The following CACNG4 variants were observed in gnomAD, a reference collection of about 807,000 sequenced individuals.
CACNG4 encodes voltage-dependent calcium channel gamma-4 subunit.
A neutral mutation model predicts 22.9 loss-of-function variants in CACNG4; 8 were observed. The observed-to-expected ratio is 0.35, with a 90% CI of 0.21 to 0.63. CACNG4 has a LOEUF of 0.63. Ranked by LOEUF, CACNG4 falls within the 30% of genes least tolerant of loss-of-function variation. CACNG4 has a pLI of 0.72. For missense variants in CACNG4, 357 were observed against 455.4 expected (o/e 0.78, Z 1.97); for synonymous variants, 188 against 191.9 (o/e 0.98, Z 0.17).
chr17:67,009,437 T>C (rs2035455753), intron 1 of CACNG4, among the ~76,000 whole-genome samples: 1 of 152,196 alleles, frequency 6.6e-6, no homozygotes, highest in Non-Finnish European at 1.5e-5. Flanking sequence ...ATCATTGCTC[T>C]GGGCTGCATT....
At chr17:66,987,509 G>A (rs2035311901) in intron 1 of CACNG4, among the ~76,000 whole-genome samples, 1 of 152,188 alleles carries the variant, frequency 6.6e-6, no homozygotes, top group Non-Finnish European at 1.5e-5. Flanking sequence ...ATTTAATAGA[G>A]GGAGTTGATC....
Position 66,989,166 on chromosome 17 carries a change from A to G in CACNG4, c.220+24035A>G, listed in dbSNP as rs1037443033. Among the ~76,000 whole-genome samples, 25 of 150,714 alleles carry G rather than the reference A, an allele frequency of 1.7e-4. 1 individual carries two copies. Among genetic ancestry groups the G allele is most frequent in the African/African-American group, 5.9e-4 (24 of 40,408 alleles). ...TCTTTAGCTTCAGGGAGAATTATGG[A>G]TGGAACTGTGTCCCCTAAAAAGATA... On this transcript the variant is annotated intron_variant, in intron 1 of 3. Transcript: ENST00000262138.
At chr17:66,977,894 T>G (rs778383201) in intron 1 of CACNG4, among the ~76,000 whole-genome samples, 7 of 152,078 alleles carry the variant, frequency 4.6e-5, no homozygotes, top group Non-Finnish European at 1.0e-4. Flanking sequence ...GCACCAGCAG[T>G]AGGACAGACA....
intron 1 of CACNG4, among the ~76,000 whole-genome samples, chr17:67,017,866 T>A (rs2035509388): frequency 6.6e-6 from 1 of 151,994 alleles, no homozygotes; most frequent in South Asian, 2.1e-4. Flanking sequence ...GGTAGAGGGA[T>A]CCGACCTCCT....
intron 1 of CACNG4, among the ~76,000 whole-genome samples, chr17:67,013,753 C>T (rs891300070): frequency 5.9e-5 from 9 of 151,460 alleles, no homozygotes; most frequent in South Asian, 2.1e-4. Flanking sequence ...CGCAGTGAGC[C>T]GAGTCCATGC....
chr17:66,982,653 C>T (rs1413657040), intron 1 of CACNG4, among the ~76,000 whole-genome samples: 1 of 152,208 alleles, frequency 6.6e-6, no homozygotes, highest in African/African-American at 2.4e-5. Context: ...AATTCCAGGG[C>T]TCAAGCAATC....
intron 3 of CACNG4, among the ~76,000 whole-genome samples, chr17:67,029,763 G>A (rs1167098187): frequency 1.3e-5 from 2 of 152,220 alleles, no homozygotes; most frequent in African/African-American, 2.4e-5. Context: ...GGGAGAGCTG[G>A]ATGAGGAGTA....
intron 1 of CACNG4, among the ~76,000 whole-genome samples, chr17:66,978,286 G>A (rs1567750184): frequency 6.6e-6 from 1 of 152,126 alleles, no homozygotes; most frequent in Admixed American, 6.5e-5. Context: ...CAGGAGTCGC[G>A]ATAAAGTATC....
chr17:66,988,402 A>G (rs1351457562), intron 1 of CACNG4, among the ~76,000 whole-genome samples: 1 of 152,196 alleles, frequency 6.6e-6, no homozygotes, highest in Non-Finnish European at 1.5e-5. Context: ...AATCTGCGGC[A>G]CCAGCTTTTC....
At position 67,032,262 on chromosome 17, in the gene CACNG4, T is replaced by C; in HGVS notation, c.*1258T>C. The C allele has an allele frequency of 3.1e-6, 1 of 326,716 alleles. No homozygotes were observed. Among genetic ancestry groups the C allele is most frequent in the Non-Finnish European group, 6.0e-6 (1 of 167,788 alleles). 20.2% of individuals were successfully genotyped at this position (326,716 alleles called of 1,614,324 possible). A position where few individuals can be genotyped will look rare whatever the true frequency, so the allele number is the denominator to read the frequency against. On this transcript the variant is annotated 3_prime_UTR_variant, in exon 4 of 4. Transcript: ENST00000262138. Reference sequence around the variant, plus strand: ...GGAAGTGGTTTCTGTGTTTTACAGTTTTTCCAGCCATTCTTTTCTTCCCCC... The same window carrying C: ...GGAAGTGGTTTCTGTGTTTTACAGTCTTTCCAGCCATTCTTTTCTTCCCCC...
chr17:66,990,702 A>T (rs998628267), intron 1 of CACNG4, among the ~76,000 whole-genome samples: 2 of 140,050 alleles, frequency 1.4e-5, no homozygotes, highest in Non-Finnish European at 3.0e-5. Flanking sequence ...TATTTTTGAG[A>T]CGGAGTCTCG....
intron 1 of CACNG4, among the ~76,000 whole-genome samples, chr17:67,003,986 C>T (rs1438812895): frequency 6.6e-6 from 1 of 152,186 alleles, no homozygotes; most frequent in Non-Finnish European, 1.5e-5. Context: ...CCTCTCTTGC[C>T]CAGCCCCTTC....
At position 67,027,947 on chromosome 17, in the gene CACNG4, G is replaced by A. The variant is rs2143376211; in HGVS notation, c.446-2519G>A. 6.6e-6 allele frequency among the ~76,000 whole-genome samples: 1 copy of A among 152,228 alleles called. No individual in the cohort carries two copies. Among genetic ancestry groups the A allele is most frequent in the Non-Finnish European group, 1.5e-5 (1 of 68,028 alleles). On this transcript the variant is annotated intron_variant, in intron 3 of 3. Transcript: ENST00000262138. This position sits in a 1 kb window ranked among gnomAD's most constrained non-coding sequence, Gnocchi z 4.3. Reference sequence around the variant, plus strand: ...AGGCACGAGAATCACCTGAACCTGGGAGGCGGAGGTTGCAATGAGCTGAGA... The same window carrying A: ...AGGCACGAGAATCACCTGAACCTGGAAGGCGGAGGTTGCAATGAGCTGAGA...
chr17:67,015,649 G>GTGCC (rs1567757823), intron 1 of CACNG4, among the ~76,000 whole-genome samples: 1 of 152,224 alleles, frequency 6.6e-6, no homozygotes, highest in East Asian at 1.9e-4. Flanking sequence ...GTGGAAGGGT[G>GTGCC]TGCCCACGAA....
In CACNG4 at chr17:67,031,070, C is replaced by A; in HGVS notation, c.*66C>A. On this transcript the variant is annotated 3_prime_UTR_variant, in exon 4 of 4. Transcript: ENST00000262138. The surrounding 1 kb of genome is among the most constrained non-coding windows in gnomAD (Gnocchi z 4.0). ...CGGCTCTTTTTGTCACACAGGATGG[C>A]ATGTGATCCTCAAGACGACGAACAA... is the stretch of plus-strand genomic sequence containing the variant. 6.7e-7 allele frequency: 1 copy of A among 1,501,720 alleles called. No individual in the cohort carries two copies. The highest frequency in any genetic ancestry group is 9.0e-7 in the Non-Finnish European group (1 of 1,105,480). 93.0% of individuals were successfully genotyped at this position (1,501,720 alleles called of 1,614,324 possible).
In CACNG4 at chr17:67,003,781, G is replaced by A. The variant is rs576677783; in HGVS notation, c.221-14408G>A. Among the ~76,000 whole-genome samples, 259 of 152,280 alleles carry A rather than the reference G, an allele frequency of 1.7e-3. 1 individual carries two copies. Among genetic ancestry groups the A allele is most frequent in the Non-Finnish European group, 3.1e-3 (209 of 68,010 alleles). On this transcript the variant is annotated intron_variant, in intron 1 of 3. Transcript: ENST00000262138. ...TTGCACTAGAGCAGGCAATGGACAG[G>A]GGGTAACAGAGCTCTAAACTTGAAG...
chr17:66,998,715 C>G (rs2035389713), intron 1 of CACNG4, among the ~76,000 whole-genome samples: 1 of 152,196 alleles, frequency 6.6e-6, no homozygotes, highest in Non-Finnish European at 1.5e-5. Context: ...CTGGGGCTGC[C>G]CATTCATGCC....
rs1318238920 is a variant in CACNG4 at position 67,030,426 on chromosome 17, C to T, written c.446-40C>T. 6.3e-7 allele frequency: 1 copy of T among 1,590,406 alleles called. No homozygotes were observed. The highest frequency in any genetic ancestry group is 8.6e-7 in the Non-Finnish European group (1 of 1,163,630). On this transcript the variant is annotated intron_variant, in intron 3 of 3. Transcript: ENST00000262138. The surrounding 1 kb of genome is among the most constrained non-coding windows in gnomAD (Gnocchi z 6.4). The stretch of plus-strand genomic sequence containing the variant: ...TGTGGGTCTAACCTCTGCCTCTCTC[C>T]CTCCCTGGCCCCGCTCCCCGCTCCC...
intron 1 of CACNG4, among the ~76,000 whole-genome samples, chr17:67,005,809 GA>G (rs2035434226): frequency 6.6e-6 from 1 of 152,204 alleles, no homozygotes; most frequent in Non-Finnish European, 1.5e-5. Flanking sequence ...GGGTCTTGGG[GA>G]CAGGGCTCCT....
Sources: gnomAD v4.1 joint callset for allele counts (sites outside exome capture counted in the v4.1 genomes callset) on GRCh38, gnomAD v4.1.1 for gene constraint, Gnocchi (gnomAD v3.1) non-coding constraint, MANE v1.5 for transcripts, NCBI Gene and HGNC (gene_info 2026-07-23, HGNC 2026-07-21) for gene names.